AADAT: variants seen among roughly 807,000 people sequenced by gnomAD.
AADAT encodes kynurenine/alpha-aminoadipate aminotransferase, mitochondrial.
In AADAT, 25 loss-of-function variants were observed where a neutral mutation model predicts 56.2. That is an observed-to-expected ratio of 0.44 (90% confidence interval 0.32 to 0.62). The LOEUF is 0.62. Among genes scored for constraint, AADAT ranks in the 20% least tolerant of loss-of-function variants. The pLI, the probability that AADAT is intolerant of heterozygous loss-of-function variation, is 0.04. For missense variants in AADAT, 387 were observed against 510.5 expected (o/e 0.76, Z 2.33); for synonymous variants, 173 against 164.7 (o/e 1.05, Z -0.39).
rs559249726 is a variant in AADAT, at chr4:170,082,956, C to T, written c.369+4160G>A. Among the ~76,000 whole-genome samples, 4 of 151,238 alleles carry T rather than the reference C, an allele frequency of 2.6e-5. No homozygotes were observed. In the South Asian group the frequency reaches 6.3e-4, roughly 24 times the overall value. On this transcript the variant is annotated intron_variant, in intron 3 of 12. Transcript: ENST00000337664. The stretch of plus-strand genomic sequence containing the variant: ...ACAATAATAGTAGGAGACTTTTTAA[C>T]ATTTCACTTAGTAATGAACAGATTA...
At chr4:170,079,409 G>T (rs775007994) in intron 3 of AADAT, among the ~76,000 whole-genome samples, 44 of 152,144 alleles carry the variant, frequency 2.9e-4, no homozygotes, top group South Asian at 6.2e-4. Flanking sequence ...TGGGGAGGAG[G>T]AGTCACATGA....
chr4:170,087,858 G>A (rs17628883), intron 2 of AADAT, among the ~76,000 whole-genome samples: 10,192 of 151,606 alleles, frequency 0.067, 473 homozygotes, highest in Non-Finnish European at 0.1. Context: ...GAACCTATGA[G>A]GGCAATGTAT....
chr4:170,061,698 A>T (rs1731198310), intron 12 of AADAT, among the ~76,000 whole-genome samples, 194 bp downstream of exon 12: 1 of 152,252 alleles, frequency 6.6e-6, no homozygotes, highest in Admixed American at 6.5e-5. Flanking sequence ...ACTCCAATTT[A>T]GTCTCATTTC....
chr4:170,093,879 T>G (rs1170891950), upstream of AADAT, among the ~76,000 whole-genome samples: 1 of 152,260 alleles, frequency 6.6e-6, no homozygotes, highest in Non-Finnish European at 1.5e-5. Context: ...ATTACAGGCA[T>G]GAGCCAGCGC....
At chr4:170,075,972 T>A (rs552285598) in intron 4 of AADAT, among the ~76,000 whole-genome samples, 1 of 152,364 alleles carries the variant, frequency 6.6e-6, no homozygotes, top group East Asian at 1.9e-4. Flanking sequence ...TATACCACAT[T>A]TTATTTATCC....
chr4:170,090,835 G>T (rs1457978906), upstream of AADAT, among the ~76,000 whole-genome samples: 1 of 152,064 alleles, frequency 6.6e-6, no homozygotes, highest in Admixed American at 6.5e-5. Flanking sequence ...ATTCTTTAAT[G>T]GTTATTAAAA....
At chr4:170,064,274 G>T (rs1490538032) in intron 11 of AADAT, among the ~76,000 whole-genome samples, 5 of 152,192 alleles carry the variant, frequency 3.3e-5, no homozygotes, top group African/African-American at 9.6e-5. Context: ...TGAGCACTGA[G>T]TATGTGCCAC....
At chr4:170,092,298 G>C (rs1034579766), upstream of AADAT, among the ~76,000 whole-genome samples, 4 of 152,252 alleles carry the variant, frequency 2.6e-5, no homozygotes, top group African/African-American at 9.6e-5. Flanking sequence ...AAGGTGTGCA[G>C]TTTCTCTCCT....
chr4:170,091,423 G>T (rs892821912), upstream of AADAT, among the ~76,000 whole-genome samples: 4 of 152,294 alleles, frequency 2.6e-5, no homozygotes, highest in Non-Finnish European at 5.9e-5. Flanking sequence ...CCGGCTCACC[G>T]GCGCTACCTT....
At chr4:170,083,645 A>G (rs1015780383) in intron 3 of AADAT, among the ~76,000 whole-genome samples, 2 of 152,168 alleles carry the variant, frequency 1.3e-5, no homozygotes, top group Non-Finnish European at 2.9e-5. Context: ...AAAAAGTTCA[A>G]TATTACCAAT....
At chr4:170,078,209 TC>T (rs1307791631) in intron 4 of AADAT, among the ~76,000 whole-genome samples, 41 of 152,314 alleles carry the variant, frequency 2.7e-4, no homozygotes, top group African/African-American at 9.6e-4. Context: ...AAGTTACATT[TC>T]AAGTAAAATA....
intron 3 of AADAT, among the ~76,000 whole-genome samples, chr4:170,086,526 A>G (rs1732572566): frequency 6.6e-6 from 1 of 152,156 alleles, no homozygotes; most frequent in African/African-American, 2.4e-5. Flanking sequence ...CAGATATGTA[A>G]AAGAATATAA....
In AADAT at chr4:170,089,704, C is replaced by T. The variant is rs1345803912; in HGVS notation, c.-14G>A. The T allele has an allele frequency of 1.2e-6, 2 of 1,613,996 alleles. No homozygotes were observed. Among genetic ancestry groups the T allele is most frequent in the Non-Finnish European group, 1.7e-6 (2 of 1,179,902 alleles). On this transcript the variant is annotated 5_prime_UTR_variant, in exon 1 of 13. Transcript: ENST00000337664. ...TGCGTAATTCATGTCTTCTGACAGC[C>T]AAGCATCAAGCTTCTTCTTCAGTGG...
chr4:170,089,506 G>T, intron 1 of AADAT, 118 bp downstream of exon 1: 1 of 1,094,222 alleles, frequency 9.1e-7, no homozygotes, highest in South Asian at 1.4e-5. Flanking sequence ...GGCTCACCGC[G>T]AGCGTGCACA....
chr4:170,073,085 A>G (rs1229906608), intron 5 of AADAT, 51 bp downstream of exon 5: 30 of 1,562,890 alleles, frequency 1.9e-5, no homozygotes, highest in Non-Finnish European at 2.6e-5. Flanking sequence ...TCTTCTAAAA[A>G]GTCACAGAGA....
chr4:170,089,868 C>T lies in AADAT; in HGVS notation c.-178G>A, dbSNP rs550424675. 6.3e-6 allele frequency: 4 copies of T among 630,690 alleles called. No homozygotes were observed. The highest frequency in any genetic ancestry group is 5.5e-5 in the African/African-American group (3 of 54,784). The allele number at this position is 630,690 out of a possible 1,614,324, so 39.1% of individuals were successfully genotyped here. A position where few individuals can be genotyped will look rare whatever the true frequency, so the allele number is the denominator to read the frequency against. On this transcript the variant is annotated 5_prime_UTR_variant, in exon 1 of 13. Transcript: ENST00000337664. ...GCCCGGAGAACGCCGCCGAAACTCC[C>T]CGGCTGGACGCTGCGTTCGGTCTCC... is the stretch of plus-strand genomic sequence containing the variant.
intron 4 of AADAT, among the ~76,000 whole-genome samples, chr4:170,074,208 T>A (rs998012122): frequency 6.6e-6 from 1 of 152,274 alleles, no homozygotes; most frequent in South Asian, 2.1e-4. Flanking sequence ...TATTACTTTT[T>A]CAACTTTCAT....
chr4:170,076,628 C>T (rs1047570971), intron 4 of AADAT, among the ~76,000 whole-genome samples: 1 of 152,092 alleles, frequency 6.6e-6, no homozygotes, highest in African/African-American at 2.4e-5. Context: ...AAAGGTTTAT[C>T]AGATATATTA....
intron 7 of AADAT, 109 bp downstream of exon 7, chr4:170,069,039 G>T: frequency 1.1e-6 from 1 of 878,218 alleles, no homozygotes; most frequent in Non-Finnish European, 1.7e-6. Flanking sequence ...TTTAAGACAA[G>T]TAGACTACAA....
Sources: gnomAD v4.1 joint callset for allele counts (sites outside exome capture counted in the v4.1 genomes callset) on GRCh38, gnomAD v4.1.1 for gene constraint, MANE v1.5 for transcripts, NCBI Gene and HGNC (gene_info 2026-07-23, HGNC 2026-07-21) for gene names.